Variants in FHIT observed in about 807,000 individuals in gnomAD.
FHIT encodes the protein bis(5'-adenosyl)-triphosphatase.
Under a neutral mutation model 17.9 loss-of-function variants are expected in FHIT, and 19 were observed. The observed-to-expected ratio is 1.06, with a 90% CI of 0.74 to 1.56. The LOEUF is 1.56. FHIT is among the 40% of genes most tolerant of loss of function. The pLI, the probability that FHIT is intolerant of heterozygous loss-of-function variation, is 0.00. For synonymous variants in FHIT, 81 were observed against 69.7 expected, an observed-to-expected ratio of 1.16 and a Z score of -0.81; for missense variants, 248 against 189.2, an observed-to-expected ratio of 1.31 and a Z score of -1.82.
intron 5 of FHIT, among the ~76,000 whole-genome samples, chr3:60,170,736 T>A (rs971095940): frequency 1.3e-5 from 2 of 152,200 alleles, no homozygotes; most frequent in Admixed American, 6.5e-5. Context: ...CATTCTCCCA[T>A]ATCTATCTGA....
chr3:60,218,946 A>G (rs1703829004), intron 5 of FHIT, among the ~76,000 whole-genome samples: 2 of 152,146 alleles, frequency 1.3e-5, no homozygotes, highest in Non-Finnish European at 2.9e-5. Context: ...AGGGCCACCC[A>G]GTCAATGCTT....
chr3:59,931,799 T>C (rs1705984759), intron 7 of FHIT, among the ~76,000 whole-genome samples: 1 of 152,164 alleles, frequency 6.6e-6, no homozygotes, highest in African/African-American at 2.4e-5. Flanking sequence ...AATTGTGAGT[T>C]ATAATAATAT....
intron 2 of FHIT, among the ~76,000 whole-genome samples, chr3:61,155,836 G>A (rs1313597127): frequency 1.3e-5 from 2 of 152,132 alleles, no homozygotes; most frequent in East Asian, 1.9e-4. Flanking sequence ...GCTGGCATCT[G>A]GGAACATGGA....
intron 5 of FHIT, among the ~76,000 whole-genome samples, chr3:60,154,059 T>C (rs548432773): frequency 5.3e-5 from 8 of 152,322 alleles, no homozygotes; most frequent in African/African-American, 1.9e-4. Flanking sequence ...ACCTTCTTTG[T>C]TTAGGGTGGC....
At chr3:61,123,774 A>G (rs964220589) in intron 2 of FHIT, among the ~76,000 whole-genome samples, 7 of 151,996 alleles carry the variant, frequency 4.6e-5, no homozygotes, top group Admixed American at 6.6e-5. Context: ...GTGTTTGCCA[A>G]TTTTCATGGT....
chr3:61,032,069 T>C lies in FHIT; in HGVS notation c.-111+9978A>G, dbSNP rs142483400. On this transcript the variant is annotated intron_variant, in intron 3 of 9. Coordinates refer to ENST00000492590, the MANE Select transcript of FHIT (RefSeq NM_002012.4). ...TAAGAGGAGATTTTAGCAACCAAAT[T>C]ATTACCAACGTCAGTGATTGGAGTC... Among the ~76,000 whole-genome samples, 739 of 152,294 alleles carry C rather than the reference T, an allele frequency of 4.9e-3. 6 individuals are homozygous for C. The highest frequency in any genetic ancestry group is 6.9e-3 in the Admixed American group (105 of 15,292).
Position 60,670,444 on chromosome 3 carries a change from C to T in FHIT, c.-17-133465G>A, listed in dbSNP as rs376808234. Among the ~76,000 whole-genome samples, 65 of 152,220 alleles carry T rather than the reference C, an allele frequency of 4.3e-4. 1 individual carries two copies. Among genetic ancestry groups the T allele is most frequent in the African/African-American group, 1.5e-3 (62 of 41,552 alleles). On this transcript the variant is annotated intron_variant, in intron 4 of 9. Transcript: ENST00000492590. The stretch of plus-strand genomic sequence containing the variant: ...GTGTCTCCTCCTTTGTGTACAGTAG[C>T]GACACAAATATCCACTGTGTTTCCA...
rs782044466 is a variant in FHIT, at chr3:60,901,943, G to GT, written c.-110-79933dup. Among the ~76,000 whole-genome samples, 13 of 152,032 alleles carry GT rather than the reference G, an allele frequency of 8.6e-5. 1 individual carries two copies. In the East Asian group the frequency reaches 2.1e-3, roughly 25 times the overall value. ...GCGTTGGGGATTTTTGTTTTGTTTT[G>GT]TTTTTTTGTACCTCCTCAGTATCCT... On this transcript the variant is annotated intron_variant, in intron 3 of 9. Coordinates refer to ENST00000492590, the MANE Select transcript of FHIT (RefSeq NM_002012.4).
intron 2 of FHIT, among the ~76,000 whole-genome samples, chr3:61,093,127 T>C (rs1411810557): frequency 2.0e-5 from 3 of 152,186 alleles, no homozygotes; most frequent in African/African-American, 7.2e-5. Flanking sequence ...CATCTGTAAA[T>C]GAAGTAAACA....
intron 5 of FHIT, among the ~76,000 whole-genome samples, chr3:60,054,456 C>G (rs994875333): frequency 6.6e-6 from 1 of 152,162 alleles, no homozygotes; most frequent in African/African-American, 2.4e-5. Flanking sequence ...AATGAAGTGG[C>G]ATTGCTCTGA....
intron 5 of FHIT, among the ~76,000 whole-genome samples, chr3:60,113,994 C>A (rs2091956): frequency 0.97 from 61,379 of 63,234 alleles, 30,013 homozygotes; most frequent in South Asian, 1. Context: ...AGAACAAGAC[C>A]CCGTCTCCAA....
At chr3:59,919,930 A>G (rs867242846) in intron 8 of FHIT, among the ~76,000 whole-genome samples, 1 of 152,208 alleles carries the variant, frequency 6.6e-6, no homozygotes, top group Non-Finnish European at 1.5e-5. Flanking sequence ...CTTTCTGGAC[A>G]CTGTGTTATT....
intron 2 of FHIT, among the ~76,000 whole-genome samples, chr3:61,119,206 T>G (rs2036385024): frequency 6.6e-6 from 1 of 152,090 alleles, no homozygotes; most frequent in South Asian, 2.1e-4. Flanking sequence ...CTTAGCTTCA[T>G]AGATACTGTG....
chr3:61,150,374 G>T (rs1424345244), intron 2 of FHIT, among the ~76,000 whole-genome samples: 2 of 151,866 alleles, frequency 1.3e-5, no homozygotes, highest in African/African-American at 4.8e-5. Context: ...TATTGCCCAG[G>T]CTGGTCTGGT....
intron 3 of FHIT, among the ~76,000 whole-genome samples, chr3:60,942,057 C>A (rs1260653843): frequency 6.6e-6 from 1 of 152,060 alleles, no homozygotes; most frequent in African/African-American, 2.4e-5. Flanking sequence ...ACAATTGGCT[C>A]GCTGCAACCT....
At chr3:59,983,831 A>C (rs966933657) in intron 7 of FHIT, among the ~76,000 whole-genome samples, 7 of 152,232 alleles carry the variant, frequency 4.6e-5, no homozygotes, top group Admixed American at 3.3e-4. Context: ...GATTTGGTCA[A>C]GTCTCCATTC....
chr3:60,824,185 T>C (rs576629701), intron 3 of FHIT, among the ~76,000 whole-genome samples: 2 of 152,306 alleles, frequency 1.3e-5, no homozygotes, highest in South Asian at 4.1e-4. Flanking sequence ...CAAGGCCACT[T>C]AGGAGGCTCC....
At chr3:60,490,968 A>G (rs528871702) in intron 5 of FHIT, among the ~76,000 whole-genome samples, 1 of 152,304 alleles carries the variant, frequency 6.6e-6, no homozygotes, top group South Asian at 2.1e-4. Context: ...CTCTGAAGAC[A>G]AAAGGTAATT....
intron 5 of FHIT, among the ~76,000 whole-genome samples, chr3:60,259,148 C>T (rs573098607): frequency 6.6e-6 from 1 of 151,650 alleles, no homozygotes; most frequent in Non-Finnish European, 1.5e-5. Context: ...GCCGTCAAAA[C>T]TACATAGGAA....
Sources: allele counts gnomAD v4.1 joint callset (sites outside exome capture counted in the v4.1 genomes callset), GRCh38; gene constraint gnomAD v4.1.1; transcripts MANE v1.5; gene names NCBI Gene and HGNC (gene_info 2026-07-23, HGNC 2026-07-21).